CACNA1C: variants seen among roughly 807,000 people sequenced by gnomAD.
The protein encoded by CACNA1C is calcium voltage-gated channel subunit alpha1 C, also known as voltage-dependent L-type calcium channel subunit alpha-1C.
Under a neutral mutation model 229.0 loss-of-function variants are expected in CACNA1C, and 30 were observed. That is an observed-to-expected ratio of 0.13 (90% CI 0.10 to 0.18). The LOEUF is 0.18. CACNA1C is among the 10% of genes least tolerant of loss of function. CACNA1C has a pLI of 1.00. For missense variants in CACNA1C, 1,658 were observed against 2,845.0 expected, an observed-to-expected ratio of 0.58 and a Z score of 9.49; for synonymous variants, 1,114 against 1,132.5, an observed-to-expected ratio of 0.98 and a Z score of 0.33.
intron 3 of CACNA1C, among the ~76,000 whole-genome samples, chr12:2,359,231 G>T (rs944038568): frequency 6.6e-6 from 1 of 152,102 alleles, no homozygotes; most frequent in Non-Finnish European, 1.5e-5. Context: ...CCACTTGCTC[G>T]GTCCTTCGGG....
chr12:2,136,030 T>C (rs1216997476), intron 3 of CACNA1C, among the ~76,000 whole-genome samples: 100 of 148,474 alleles, frequency 6.7e-4, no homozygotes, highest in South Asian at 1.3e-3. Context: ...TTTAAGCCGG[T>C]CTGAAAAGCG....
chr12:2,151,565 G>A (rs1263706525), intron 3 of CACNA1C, among the ~76,000 whole-genome samples: 1 of 152,202 alleles, frequency 6.6e-6, no homozygotes, highest in Non-Finnish European at 1.5e-5. Flanking sequence ...CCAGGCCAAG[G>A]CATCTGGCTG....
intron 5 of CACNA1C, among the ~76,000 whole-genome samples, chr12:2,477,565 A>AACAGGCTGCCTC (rs1417874516): frequency 6.6e-6 from 1 of 152,182 alleles, no homozygotes; most frequent in East Asian, 1.9e-4. Flanking sequence ...GGCCTCCATC[A>AACAGGCTGCCTC]ACAGGCTGCC....
At chr12:2,552,278 C>T (rs549544012) in intron 10 of CACNA1C, among the ~76,000 whole-genome samples, 1 of 152,308 alleles carries the variant, frequency 6.6e-6, no homozygotes, top group Non-Finnish European at 1.5e-5. Flanking sequence ...CTGGAGCTCA[C>T]AGTCTAGTGT....
At chr12:2,664,703 C>A in intron 34 of CACNA1C, 122 bp from the exon 35 acceptor site, 2 of 683,338 alleles carry the variant, frequency 2.9e-6, no homozygotes, top group East Asian at 2.9e-5. Flanking sequence ...TGATGAACAT[C>A]AAGTTCATTT....
chr12:2,511,453 G>T (rs141031278), intron 8 of CACNA1C, among the ~76,000 whole-genome samples: 151 of 152,232 alleles, frequency 9.9e-4, no homozygotes, highest in African/African-American at 3.4e-3. Flanking sequence ...CTAGAGTGTG[G>T]CTTCAGCAAA....
rs140430898 is a variant in CACNA1C, at chr12:2,410,535, A to G, written c.478-38441A>G. 1.1e-3 allele frequency among the ~76,000 whole-genome samples: 174 copies of G among 152,368 alleles called. 1 individual carries two copies. In the East Asian group the frequency reaches 0.03, roughly 27 times the overall value. ...TATTTAAAGTAAATGAGGAAAAAAT[A>G]TGCTTGGAGTAAAAAGCATCTGGAC... On this transcript the variant is annotated intron_variant, in intron 3 of 46. Transcript: ENST00000399655. The surrounding 1 kb of genome is among the most constrained non-coding windows in gnomAD (Gnocchi z 5.3).
rs1185070738 is a variant in CACNA1C, at chr12:2,467,608, T to G, written c.757+9902T>G. Among the ~76,000 whole-genome samples the G allele has an allele frequency of 2.6e-5, 4 of 152,152 alleles. No homozygotes were observed. The highest frequency in any genetic ancestry group is 9.7e-5 in the African/African-American group (4 of 41,444). On this transcript the variant is annotated intron_variant, in intron 5 of 46. Transcript: ENST00000399655. This position sits in a 1 kb window ranked among gnomAD's most constrained non-coding sequence, Gnocchi z 4.6. ...GACAGCAGGGGGTGGCGGGGGGCCCTTCACACTGCAGGAGGCTTGCCTCTA... is the reference window on the plus strand; with the variant it reads ...GACAGCAGGGGGTGGCGGGGGGCCCGTCACACTGCAGGAGGCTTGCCTCTA...
chr12:2,507,655 G>A (rs1308522170), intron 8 of CACNA1C, among the ~76,000 whole-genome samples: 2 of 152,214 alleles, frequency 1.3e-5, no homozygotes, highest in South Asian at 2.1e-4. Flanking sequence ...CTCCGTGCTC[G>A]GCGTGTTCGC....
At chr12:2,069,764 G>A (rs888566161) in intron 1 of CACNA1C, among the ~76,000 whole-genome samples, 4 of 152,074 alleles carry the variant, frequency 2.6e-5, no homozygotes, top group Non-Finnish European at 5.9e-5. Context: ...GGTCCTTTAC[G>A]TACTATTGGC....
chr12:2,461,516 A>G (rs767884227), intron 5 of CACNA1C, among the ~76,000 whole-genome samples: 9 of 152,098 alleles, frequency 5.9e-5, no homozygotes, highest in Non-Finnish European at 1.2e-4. Flanking sequence ...TCTTCCAGTA[A>G]CCAGCAGCTG....
At chr12:2,638,292 G>A (rs2093139087) in intron 30 of CACNA1C, among the ~76,000 whole-genome samples, 1 of 152,248 alleles carries the variant, frequency 6.6e-6, no homozygotes, top group African/African-American at 2.4e-5. Context: ...TCCTTAAGGA[G>A]GTGACAGTTG....
At chr12:2,469,176 A>G (rs1014411315) in intron 5 of CACNA1C, among the ~76,000 whole-genome samples, 1 of 152,198 alleles carries the variant, frequency 6.6e-6, no homozygotes, top group Admixed American at 6.5e-5. Context: ...ACATATATAC[A>G]AACATTAGCC....
chr12:2,633,908 C>CA lies in CACNA1C; in HGVS notation c.3829-389_3829-388insA, dbSNP rs1446897314. ...GGAAAAAAAGTGGGAGCTTCTCCTCCTTTTTTTCCATTTACCTCAGCTCTG... is the reference window on the plus strand; with the variant it reads ...GGAAAAAAAGTGGGAGCTTCTCCTCCATTTTTTTCCATTTACCTCAGCTCTG... On this transcript the variant is annotated intron_variant, in intron 29 of 46. Coordinates refer to ENST00000399655, the MANE Select transcript of CACNA1C (RefSeq NM_000719.7). This position sits in a 1 kb window ranked among gnomAD's most constrained non-coding sequence, Gnocchi z 5.8. Among the ~76,000 whole-genome samples the CA allele has an allele frequency of 3.3e-5, 5 of 152,154 alleles. No individual in the cohort carries two copies. The highest frequency in any genetic ancestry group is 7.3e-5 in the Non-Finnish European group (5 of 68,030).
chr12:2,158,530 G>GA (rs959176106), intron 3 of CACNA1C, among the ~76,000 whole-genome samples: 14 of 151,094 alleles, frequency 9.3e-5, no homozygotes, highest in East Asian at 5.8e-4. Context: ...CTGTCTCAAA[G>GA]AAAAAAAAAG....
chr12:2,165,609 C>T, intron 3 of CACNA1C, among the ~76,000 whole-genome samples: 1 of 152,220 alleles, frequency 6.6e-6, no homozygotes. Context: ...CATCGCCCAG[C>T]TTTAGACAGT....
rs377568567 is a variant in CACNA1C, at chr12:2,668,924, C to T, written c.4624-9C>T. On this transcript the variant is annotated splice_polypyrimidine_tract_variant and intron_variant, in intron 37 of 46. Coordinates refer to ENST00000399655, the MANE Select transcript of CACNA1C (RefSeq NM_000719.7). Reference sequence around the variant, plus strand: ...CATCATCACCAGCTTTGCTTCTCTTCGCCTGCAGCGCCTGGTCTCCATGAA... The same window carrying T: ...CATCATCACCAGCTTTGCTTCTCTTTGCCTGCAGCGCCTGGTCTCCATGAA... 445 of 1,604,908 alleles carry T rather than the reference C, an allele frequency of 2.8e-4. 2 individuals are homozygous for T. The African/African-American group carries it at 5.1e-3, about 18-fold the overall frequency.
At chr12:2,123,375 CAA>C (rs397761587) in intron 3 of CACNA1C, among the ~76,000 whole-genome samples, 15 of 72,980 alleles carry the variant, frequency 2.1e-4, no homozygotes, top group South Asian at 6.9e-4. Context: ...GACTCCATCT[CAA>C]AAAAAAAAAA....
At chr12:2,035,049 C>A (rs576644502) in intron 1 of CACNA1C, among the ~76,000 whole-genome samples, 1 of 152,174 alleles carries the variant, frequency 6.6e-6, no homozygotes, top group African/African-American at 2.4e-5. Flanking sequence ...GCGACAGCCC[C>A]GTCGTCCACC....
Sources: allele counts gnomAD v4.1 joint callset (sites outside exome capture counted in the v4.1 genomes callset), GRCh38; gene constraint gnomAD v4.1.1; non-coding constraint Gnocchi (gnomAD v3.1); transcripts MANE v1.5; gene names NCBI Gene and HGNC (gene_info 2026-07-23, HGNC 2026-07-21).